The following SLC44A1 variants were observed in gnomAD, a reference collection of about 807,000 sequenced individuals.
SLC44A1 encodes the protein choline transporter-like protein 1.
SLC44A1 carries 26 observed loss-of-function variants against 79.3 expected under a neutral mutation model. The ratio of observed to expected loss-of-function variants is 0.33; its 90% CI spans 0.24 to 0.46. SLC44A1 has a LOEUF of 0.46. Among genes scored for constraint, SLC44A1 ranks in the 20% least tolerant of loss-of-function variants. The pLI is 1.00. For synonymous variants in SLC44A1, 263 were observed against 286.2 expected (o/e 0.92, Z 0.82); for missense variants, 688 against 798.1 (o/e 0.86, Z 1.66).
intron 3 of SLC44A1, among the ~76,000 whole-genome samples, chr9:105,327,356 C>T (rs1826611241): frequency 6.6e-6 from 1 of 152,154 alleles, no homozygotes; most frequent in African/African-American, 2.4e-5. Flanking sequence ...AATCTCAACT[C>T]ACTGCAACCT....
intron 3 of SLC44A1, among the ~76,000 whole-genome samples, chr9:105,316,564 T>C (rs73512013): frequency 2.0e-5 from 3 of 152,230 alleles, no homozygotes; most frequent in Non-Finnish European, 2.9e-5. Context: ...ATAATCGATA[T>C]ATACATTACT....
chr9:105,408,115 C>G (rs1829051522), intron 15 of SLC44A1, among the ~76,000 whole-genome samples: 1 of 152,162 alleles, frequency 6.6e-6, no homozygotes, highest in Non-Finnish European at 1.5e-5. Flanking sequence ...GATCTCGCCA[C>G]TGCACTCCAG....
intron 15 of SLC44A1, among the ~76,000 whole-genome samples, chr9:105,427,366 A>C (rs1829336680): frequency 2.0e-5 from 3 of 152,244 alleles, no homozygotes; most frequent in Admixed American, 1.3e-4. Flanking sequence ...AATTGAATTC[A>C]GCAATTTCCT....
chr9:105,356,139 TTG>T, intron 5 of SLC44A1, 71 bp from the exon 6 acceptor site: 2 of 1,152,992 alleles, frequency 1.7e-6, no homozygotes, highest in Non-Finnish European at 2.6e-6. Context: ...CACCTTTCAT[TTG>T]TGTGTTTGAT....
intron 1 of SLC44A1, among the ~76,000 whole-genome samples, chr9:105,287,465 A>G (rs1380101196): frequency 6.6e-6 from 1 of 152,176 alleles, no homozygotes; most frequent in Non-Finnish European, 1.5e-5. Flanking sequence ...CACACATTTT[A>G]TAATATGTAC....
At chr9:105,273,487 T>A (rs1000792566) in intron 1 of SLC44A1, among the ~76,000 whole-genome samples, 1 of 152,228 alleles carries the variant, frequency 6.6e-6, no homozygotes, top group African/African-American at 2.4e-5. Flanking sequence ...CCTTTTTTGC[T>A]TTTTTCTAGT....
At chr9:105,273,337 A>G (rs1318090453) in intron 1 of SLC44A1, among the ~76,000 whole-genome samples, 1 of 152,222 alleles carries the variant, frequency 6.6e-6, no homozygotes, top group African/African-American at 2.4e-5. Context: ...TGAGTGACCA[A>G]AATCTATTTC....
At chr9:105,341,783 C>T (rs538943577) in intron 4 of SLC44A1, among the ~76,000 whole-genome samples, 1 of 152,298 alleles carries the variant, frequency 6.6e-6, no homozygotes, top group South Asian at 2.1e-4. Flanking sequence ...TGAGTTGACA[C>T]CAGCAGGTAA....
intron 12 of SLC44A1, among the ~76,000 whole-genome samples, chr9:105,371,794 A>G (rs1352095603): frequency 6.8e-6 from 1 of 148,096 alleles, no homozygotes; most frequent in African/African-American, 2.6e-5. Context: ...CACCCCTGCT[A>G]TAGAATAAAT....
At chr9:105,320,476 C>T (rs1404628969) in intron 3 of SLC44A1, among the ~76,000 whole-genome samples, 1 of 152,006 alleles carries the variant, frequency 6.6e-6, no homozygotes, top group Non-Finnish European at 1.5e-5. Context: ...GGTTGCTGCA[C>T]TATTTTGCAT....
intron 12 of SLC44A1, among the ~76,000 whole-genome samples, chr9:105,367,969 T>TCTGAATGAA (rs1827989913): frequency 6.6e-6 from 1 of 152,224 alleles, no homozygotes; most frequent in African/African-American, 2.4e-5. Context: ...TTAAGTGTTT[T>TCTGAATGAA]CTGAATGAAC....
chr9:105,366,411 C>T lies in SLC44A1; in HGVS notation c.1476C>T (p.Cys492=). Residue 492 remains cysteine (C), a synonymous_variant, in exon 12 of 16, where the codon TGC becomes TGT. Coordinates refer to ENST00000374720, the MANE Select transcript of SLC44A1 (RefSeq NM_080546.5). ...CICCLWCLEK[C]LNYLNQNAYT... is the part of the protein sequence containing the mutation. Reference sequence around the variant, plus strand: ...GTTGCCTTTGGTGTCTTGAAAAGTGCCTAAATTATTTAAATCAGGTAAAAT... The same window carrying T: ...GTTGCCTTTGGTGTCTTGAAAAGTGTCTAAATTATTTAAATCAGGTAAAAT... The T allele has an allele frequency of 6.6e-7, 1 of 1,506,428 alleles. No homozygotes were observed. Among genetic ancestry groups the T allele is most frequent in the Non-Finnish European group, 9.0e-7 (1 of 1,114,962 alleles). 93.3% of individuals were successfully genotyped at this position (1,506,428 alleles called of 1,614,324 possible).
At chr9:105,387,060 A>AATATATATATATATATATATATATATAT (rs1554688950) in intron 15 of SLC44A1, among the ~76,000 whole-genome samples, 7 of 7,722 alleles carry the variant, frequency 9.1e-4, no homozygotes, top group Non-Finnish European at 1.7e-3. Context: ...AAAAAAAAAA[A>AATATATATATATATATATATATATATAT]ATATATATAT....
At position 105,390,020 on chromosome 9, in the gene SLC44A1, C is replaced by T; in HGVS notation, c.*964C>T. On this transcript the variant is annotated 3_prime_UTR_variant, in exon 16 of 16. Coordinates refer to ENST00000374720, the MANE Select transcript of SLC44A1 (RefSeq NM_080546.5). ...ACGTCAGTGGCTTAGGGTTAAACGG[C>T]CATTTTATTCAAATGCTTGCTATAC... 1 of 1,366,124 alleles carries T rather than the reference C, an allele frequency of 7.3e-7. No homozygotes were observed. Among genetic ancestry groups the T allele is most frequent in the Non-Finnish European group, 9.5e-7 (1 of 1,056,138 alleles). 84.6% of individuals were successfully genotyped at this position (1,366,124 alleles called of 1,614,324 possible).
At position 105,385,461 on chromosome 9, in the gene SLC44A1, G is replaced by T; in HGVS notation, c.1909G>T (p.Gly637Cys). 1 of 1,587,312 alleles carries T rather than the reference G, an allele frequency of 6.3e-7. No homozygotes were observed. Among genetic ancestry groups the T allele is most frequent in the Admixed American group, 1.8e-5 (1 of 55,282 alleles). ...ENSRKAMKEA[G>C]KGGVADSREL... ...CAGTAGGAAAGCAATGAAAGAAGCT[G>T]GTAAGGGAGGCGTCGCTGATTCCAG... Residue 637 changes from glycine (G) to cysteine (C), a missense_variant, in exon 15 of 16, where the codon GGT (glycine) becomes TGT (cysteine). Transcript: ENST00000374720.
In SLC44A1 at chr9:105,393,873, C is replaced by CT; in HGVS notation, c.*4821dup. ...GGACACGGAGCTCAGAATAATAAAG[C>CT]TTTTATTAATGGTCTAGTGAAGATC... On this transcript the variant is annotated 3_prime_UTR_variant, in exon 16 of 16. Transcript: ENST00000374720. The CT allele has an allele frequency of 1.0e-6, 1 of 983,350 alleles. No individual in the cohort carries two copies. The highest frequency in any genetic ancestry group is 4.7e-5 in the South Asian group (1 of 21,246). 60.9% of individuals were successfully genotyped at this position (983,350 alleles called of 1,614,324 possible). A position where few individuals can be genotyped will look rare whatever the true frequency, so the allele number is the denominator to read the frequency against.
intron 6 of SLC44A1, among the ~76,000 whole-genome samples, chr9:105,358,058 C>T (rs755648693): frequency 3.3e-5 from 5 of 152,258 alleles, no homozygotes; most frequent in South Asian, 2.1e-4. Flanking sequence ...CGTGGTGAAT[C>T]CACAACAGTC....
At chr9:105,258,248 G>T (rs327997) in intron 1 of SLC44A1, among the ~76,000 whole-genome samples, 33,601 of 152,118 alleles carry the variant, frequency 0.22, 6,819 homozygotes, top group African/African-American at 0.54. Flanking sequence ...TGGACTGACT[G>T]GAGGTGGTAC....
rs964102943 is a variant in SLC44A1 at position 105,244,672 on chromosome 9, G to A, written c.-197G>A. ...CAGGAGACGCGTAGCCGCCGTCGCC[G>A]CCGCCGGGGGATGTGGCCGGCGCCT... On this transcript the variant is annotated 5_prime_UTR_variant, in exon 1 of 16. Transcript: ENST00000374720. The A allele has an allele frequency of 3.7e-6, 1 of 273,026 alleles. No individual in the cohort carries two copies. Among genetic ancestry groups the A allele is most frequent in the Non-Finnish European group, 6.8e-6 (1 of 146,598 alleles). 16.9% of individuals were successfully genotyped at this position (273,026 alleles called of 1,614,324 possible). A position where few individuals can be genotyped will look rare whatever the true frequency, so the allele number is the denominator to read the frequency against.
Sources: allele counts gnomAD v4.1 joint callset (sites outside exome capture counted in the v4.1 genomes callset), GRCh38; gene constraint gnomAD v4.1.1; transcripts MANE v1.5; gene names NCBI Gene and HGNC (gene_info 2026-07-23, HGNC 2026-07-21).